The following NEGR1 variants were observed in gnomAD, a reference collection of about 807,000 sequenced individuals.
The protein encoded by NEGR1 is neuronal growth regulator 1, also known as IgLON family member 4.
A neutral mutation model predicts 40.9 loss-of-function variants in NEGR1; 10 were observed. The ratio of observed to expected loss-of-function variants is 0.24; its 90% CI spans 0.15 to 0.42. NEGR1 has a LOEUF of 0.42. Among genes scored for constraint, NEGR1 ranks in the 10% least tolerant of loss-of-function variants. The pLI is 1.00. For missense variants in NEGR1, 352 were observed against 438.9 expected, an observed-to-expected ratio of 0.80 and a Z score of 1.77; for synonymous variants, 185 against 166.8, an observed-to-expected ratio of 1.11 and a Z score of -0.84.
intron 6 of NEGR1, among the ~76,000 whole-genome samples, chr1:71,560,490 C>T (rs750947833): frequency 7.2e-6 from 1 of 137,948 alleles, no homozygotes; most frequent in Non-Finnish European, 1.6e-5. Context: ...TGTCAATTCT[C>T]TAAGAAAACT....
chr1:71,791,988 C>A (rs760895630), intron 2 of NEGR1, among the ~76,000 whole-genome samples: 2 of 152,054 alleles, frequency 1.3e-5, no homozygotes, highest in African/African-American at 4.8e-5. Context: ...GGCAGTTTAG[C>A]TTTACAGCTC....
At chr1:71,768,765 C>A (rs1368186248) in intron 3 of NEGR1, among the ~76,000 whole-genome samples, 1 of 152,084 alleles carries the variant, frequency 6.6e-6, no homozygotes, top group South Asian at 2.1e-4. Flanking sequence ...GAATTGTAAT[C>A]CCAATGTTGG....
chr1:72,179,347 G>T (rs1472742432), intron 1 of NEGR1, among the ~76,000 whole-genome samples: 1 of 151,902 alleles, frequency 6.6e-6, no homozygotes, highest in Non-Finnish European at 1.5e-5. Flanking sequence ...TCTCTCACCT[G>T]TTCCATTGCT....
intron 6 of NEGR1, among the ~76,000 whole-genome samples, chr1:71,503,226 G>C (rs1647010435): frequency 1.3e-5 from 2 of 152,110 alleles, no homozygotes; most frequent in Admixed American, 6.5e-5. Flanking sequence ...AATGAGGTTT[G>C]GGTGTGCCAA....
chr1:71,933,367 A>G (rs1311113048), intron 2 of NEGR1, among the ~76,000 whole-genome samples: 1 of 152,118 alleles, frequency 6.6e-6, no homozygotes, highest in East Asian at 1.9e-4. Flanking sequence ...GGAAAAAGGA[A>G]AATGGAATAT....
intron 1 of NEGR1, among the ~76,000 whole-genome samples, chr1:71,973,881 T>C (rs1187039884): frequency 6.6e-6 from 1 of 152,242 alleles, no homozygotes; most frequent in Non-Finnish European, 1.5e-5. Context: ...TTCCTTTTTT[T>C]CATTTATTTC....
intron 1 of NEGR1, among the ~76,000 whole-genome samples, chr1:72,241,351 A>G (rs953839769): frequency 7.7e-6 from 1 of 130,176 alleles, no homozygotes; most frequent in African/African-American, 3.1e-5. Flanking sequence ...GATACCTGAT[A>G]TTCCCTGTCC....
chr1:71,759,932 C>T (rs974296149), intron 3 of NEGR1, among the ~76,000 whole-genome samples: 1 of 151,998 alleles, frequency 6.6e-6, no homozygotes, highest in African/African-American at 2.4e-5. Context: ...TTTAAACAAA[C>T]TCCTAACTTG....
intron 2 of NEGR1, among the ~76,000 whole-genome samples, chr1:71,888,042 G>A (rs1660777295): frequency 6.7e-6 from 1 of 148,162 alleles, no homozygotes; most frequent in African/African-American, 2.5e-5. Flanking sequence ...CACACCTCTA[G>A]AATAAAAAGC....
intron 1 of NEGR1, among the ~76,000 whole-genome samples, chr1:71,982,945 G>A (rs1646366155): frequency 1.3e-5 from 2 of 152,052 alleles, no homozygotes; most frequent in Non-Finnish European, 2.9e-5. Flanking sequence ...CACATATGTG[G>A]AATTCTCTGA....
chr1:71,694,591 T>C (rs1293943198), intron 4 of NEGR1, among the ~76,000 whole-genome samples: 3 of 151,784 alleles, frequency 2.0e-5, no homozygotes, highest in Non-Finnish European at 4.4e-5. Context: ...GCTAGGTAAT[T>C]AAATTGAATA....
intron 3 of NEGR1, among the ~76,000 whole-genome samples, chr1:71,744,643 C>T (rs1236085346): frequency 6.6e-6 from 1 of 152,042 alleles, no homozygotes; most frequent in Admixed American, 6.6e-5. Flanking sequence ...GGGTGAAATT[C>T]ACCTAATGCA....
intron 1 of NEGR1, among the ~76,000 whole-genome samples, chr1:72,158,558 TC>T (rs1651444276): frequency 6.6e-6 from 1 of 152,152 alleles, no homozygotes; most frequent in South Asian, 2.1e-4. Context: ...CACTCAATGA[TC>T]CCTGGCATTT....
chr1:71,804,744 A>G (rs1306638873), intron 2 of NEGR1, among the ~76,000 whole-genome samples: 3 of 152,174 alleles, frequency 2.0e-5, no homozygotes, highest in Non-Finnish European at 4.4e-5. Context: ...GGACCCTGTG[A>G]TGATTGCATT....
At chr1:71,578,969 A>G (rs1419598215) in intron 6 of NEGR1, among the ~76,000 whole-genome samples, 1 of 152,200 alleles carries the variant, frequency 6.6e-6, no homozygotes, top group African/African-American at 2.4e-5. Context: ...GACTAACAGT[A>G]GGCTTCATCT....
At chr1:72,244,883 C>T (rs891554598) in intron 1 of NEGR1, among the ~76,000 whole-genome samples, 5 of 152,000 alleles carry the variant, frequency 3.3e-5, no homozygotes, top group Admixed American at 6.6e-5. Context: ...TGTTAAGATA[C>T]ATCAAAGCCT....
intron 4 of NEGR1, among the ~76,000 whole-genome samples, chr1:71,654,939 T>C (rs1337997189): frequency 1.3e-5 from 2 of 152,106 alleles, no homozygotes; most frequent in African/African-American, 4.8e-5. Context: ...TTTTGTATTG[T>C]GAGAGTCACT....
chr1:71,640,992 C>T (rs1177468564), intron 4 of NEGR1, among the ~76,000 whole-genome samples: 1 of 152,034 alleles, frequency 6.6e-6, no homozygotes. Context: ...GAAATTCCTA[C>T]AAAATTTTTA....
At chr1:72,026,538 AAAC>A (rs145708516) in intron 1 of NEGR1, among the ~76,000 whole-genome samples, 32,812 of 151,610 alleles carry the variant, frequency 0.22, 4,531 homozygotes, top group African/African-American at 0.39. Flanking sequence ...ACATTCTTTA[AAAC>A]AACAACAACA....
Sources: gnomAD v4.1 joint callset for allele counts (sites outside exome capture counted in the v4.1 genomes callset) on GRCh38, gnomAD v4.1.1 for gene constraint, MANE v1.5 for transcripts, NCBI Gene and HGNC (gene_info 2026-07-23, HGNC 2026-07-21) for gene names.